The following PCDHB5 variants were observed in gnomAD, a reference collection of about 807,000 sequenced individuals.
The protein encoded by PCDHB5 is protocadherin beta 5, also known as protocadherin beta-5.
For missense variants in PCDHB5, 1,125 were observed against 1,029.4 expected, an observed-to-expected ratio of 1.09 and a Z score of -1.27; for synonymous variants, 569 against 462.2, an observed-to-expected ratio of 1.23 and a Z score of -2.96.
At position 141,137,680 on chromosome 5, in the gene PCDHB5, A is replaced by G; in HGVS notation, c.2246A>G (p.His749Arg). Reference protein sequence around the residue: ...SGTGTLSQSYHYEVCLTGDSG... With the variant: ...SGTGTLSQSYRYEVCLTGDSG... ...ACCGGGACCCTATCCCAGAGCTACC[A>G]CTACGAGGTGTGTTTGACCGGAGAC... Residue 749 changes from histidine to arginine, a missense_variant, in exon 1 of 1, where the codon CAC becomes CGC. His to Arg is a conservative substitution (Grantham distance 29). Coordinates refer to ENST00000231134, the MANE Select transcript of PCDHB5 (RefSeq NM_015669.5). 1 of 1,614,146 alleles carries G rather than the reference A, an allele frequency of 6.2e-7. No homozygotes were observed. The highest frequency in any genetic ancestry group is 8.5e-7 in the Non-Finnish European group (1 of 1,180,030).
In PCDHB5 at chr5:141,135,617, T is replaced by C. The variant is rs1259975333; in HGVS notation, c.183T>C (p.Thr61=). 1.2e-6 allele frequency: 2 copies of C among 1,614,054 alleles called. No individual in the cohort carries two copies. Among genetic ancestry groups the C allele is most frequent in the African/African-American group, 1.3e-5 (1 of 74,992 alleles). Residue 61 remains threonine, a synonymous_variant, in exon 1 of 1, where the codon ACT becomes ACC. Transcript: ENST00000231134. ...DLGLGVGELA[T]RGARMHYKGN... is the part of the protein sequence containing the mutation. ...GTCTTGGGGTGGGGGAACTGGCCACTCGGGGCGCGCGAATGCATTACAAAG... is the reference window on the plus strand; with the variant it reads ...GTCTTGGGGTGGGGGAACTGGCCACCCGGGGCGCGCGAATGCATTACAAAG...
At position 141,135,760 on chromosome 5, in the gene PCDHB5, T is replaced by C; in HGVS notation, c.326T>C (p.Leu109Ser). 6.2e-7 allele frequency: 1 copy of C among 1,614,092 alleles called. No homozygotes were observed. Among genetic ancestry groups the C allele is most frequent in the Non-Finnish European group, 8.5e-7 (1 of 1,179,966 alleles). The change falls in exon 1 of 1, where the codon TTA becomes TCA. Residue 109 changes from leucine to serine, a missense_variant. By Grantham distance (145) the Leu-to-Ser change is moderately radical (BLOSUM62 -2). Coordinates refer to ENST00000231134, the MANE Select transcript of PCDHB5 (RefSeq NM_015669.5). ...TEPCILHFQLLLENPVQFFQT... is the reference protein window; with the variant it reads ...TEPCILHFQLSLENPVQFFQT... ...CCCTGTATATTGCATTTCCAGCTCT[T>C]ACTAGAAAATCCAGTGCAGTTTTTT... is the stretch of plus-strand genomic sequence containing the variant.
In PCDHB5 at chr5:141,138,574, C is replaced by A. The variant is rs1752647018; in HGVS notation, c.*752C>A. 6.6e-6 allele frequency: 1 copy of A among 152,140 alleles called. No individual in the cohort carries two copies. Among genetic ancestry groups the A allele is most frequent in the Non-Finnish European group, 1.5e-5 (1 of 68,018 alleles). 9.4% of individuals were successfully genotyped at this position (152,140 alleles called of 1,614,324 possible). The stretch of plus-strand genomic sequence containing the variant: ...CCAATACCATAGTTTAATTTTGCCT[C>A]TTCTGAATTTATATAAATGGAGTAA... On this transcript the variant is annotated 3_prime_UTR_variant, in exon 1 of 1. Coordinates refer to ENST00000231134, the MANE Select transcript of PCDHB5 (RefSeq NM_015669.5).
In PCDHB5 at chr5:141,137,829, C is replaced by T. The variant is rs371853380; in HGVS notation, c.*7C>T. ...TAGCTTTGGATTAAATTAGAGATCT[C>T]GTGATGACGCGTTGTTTTCTGCCAT... On this transcript the variant is annotated 3_prime_UTR_variant, in exon 1 of 1. Coordinates refer to ENST00000231134, the MANE Select transcript of PCDHB5 (RefSeq NM_015669.5). 21 of 1,563,438 alleles carry T rather than the reference C, an allele frequency of 1.3e-5. No individual in the cohort carries two copies. Among genetic ancestry groups the T allele is most frequent in the Non-Finnish European group, 1.8e-5 (21 of 1,154,152 alleles).
Position 141,135,594 on chromosome 5 carries a change from C to T in PCDHB5, c.160C>T (p.Leu54Phe), listed in dbSNP as rs781867543. ...GGCCAACCTGGCAAAAGACCTGGGTCTTGGGGTGGGGGAACTGGCCACTCG... is the reference window on the plus strand; with the variant it reads ...GGCCAACCTGGCAAAAGACCTGGGTTTTGGGGTGGGGGAACTGGCCACTCG... ...SVANLAKDLG[L>F]GVGELATRGA... Residue 54 changes from leucine (L) to phenylalanine (F), a missense_variant, in exon 1 of 1, where the codon CTT becomes TTT. Coordinates refer to ENST00000231134, the MANE Select transcript of PCDHB5 (RefSeq NM_015669.5). 82 of 1,613,970 alleles carry T rather than the reference C, an allele frequency of 5.1e-5. 1 individual carries two copies. Among genetic ancestry groups the T allele is most frequent in the Non-Finnish European group, 5.9e-5 (70 of 1,180,036 alleles).
Position 141,136,985 on chromosome 5 carries a change from G to C in PCDHB5, c.1551G>C (p.Ser517=), listed in dbSNP as rs1450169772. 18 of 1,612,382 alleles carry C rather than the reference G, an allele frequency of 1.1e-5. No individual in the cohort carries two copies. The highest frequency in any genetic ancestry group is 1.4e-5 in the Non-Finnish European group (17 of 1,179,912). ...ACGGCCACCTGTTTGCCCTCAGGTC[G>C]CTGGACTACGAGGCCCTGCAGGCGT... is the stretch of plus-strand genomic sequence containing the variant. ...ADNGHLFALR[S]LDYEALQAFE... The change falls in exon 1 of 1, where the codon TCG becomes TCC. Residue 517 remains serine (S), a synonymous_variant. Coordinates refer to ENST00000231134, the MANE Select transcript of PCDHB5 (RefSeq NM_015669.5).
chr5:141,137,698 C>T lies in PCDHB5; in HGVS notation c.2264C>T (p.Thr755Ile). ...AGCTACCACTACGAGGTGTGTTTGA[C>T]CGGAGACTCAGGGGCCGGCGAGTTC... is the stretch of plus-strand genomic sequence containing the variant. ...SQSYHYEVCL[T>I]GDSGAGEFKF... The change falls in exon 1 of 1, where the codon ACC (threonine) becomes ATC (isoleucine). Residue 755 changes from threonine (T) to isoleucine (I), a missense_variant. Transcript: ENST00000231134. The T allele has an allele frequency of 1.2e-6, 2 of 1,614,254 alleles. No individual in the cohort carries two copies. The highest frequency in any genetic ancestry group is 2.2e-5 in the South Asian group (2 of 91,076).
rs1242592617 is a variant in PCDHB5, at chr5:141,137,801, G to A, written c.2367G>A (p.Arg789=). The A allele has an allele frequency of 6.2e-7, 1 of 1,606,906 alleles. No individual in the cohort carries two copies. The highest frequency in any genetic ancestry group is 8.5e-7 in the Non-Finnish European group (1 of 1,176,462). The change falls in exon 1 of 1, where the codon CGG becomes CGA. Residue 789 remains arginine, a synonymous_variant. Transcript: ENST00000231134. ...GEEIGKTAAF[R]NSFGLN ...AAATAGGGAAAACTGCTGCCTTCCGGAATAGCTTTGGATTAAATTAGAGAT... is the reference window on the plus strand; with the variant it reads ...AAATAGGGAAAACTGCTGCCTTCCGAAATAGCTTTGGATTAAATTAGAGAT...
chr5:141,135,603 G>T lies in PCDHB5; in HGVS notation c.169G>T (p.Gly57Trp). ...NLAKDLGLGVGELATRGARMH... is the reference protein window; with the variant it reads ...NLAKDLGLGVWELATRGARMH... Reference sequence around the variant, plus strand: ...GGCAAAAGACCTGGGTCTTGGGGTGGGGGAACTGGCCACTCGGGGCGCGCG... The same window carrying T: ...GGCAAAAGACCTGGGTCTTGGGGTGTGGGAACTGGCCACTCGGGGCGCGCG... The change falls in exon 1 of 1, where the codon GGG (glycine) becomes TGG (tryptophan). Residue 57 changes from glycine (G) to tryptophan (W), a missense_variant. Transcript: ENST00000231134. 1 of 1,614,130 alleles carries T rather than the reference G, an allele frequency of 6.2e-7. No homozygotes were observed. Among genetic ancestry groups the T allele is most frequent in the Non-Finnish European group, 8.5e-7 (1 of 1,180,042 alleles).
rs782603340 is a variant in PCDHB5, at chr5:141,137,816, A to T, written c.2382A>T (p.Leu794Phe). The T allele has an allele frequency of 1.9e-6, 3 of 1,587,618 alleles. No homozygotes were observed. The highest frequency in any genetic ancestry group is 2.6e-6 in the Non-Finnish European group (3 of 1,166,362). Residue 794 changes from leucine (L) to phenylalanine (F), a missense_variant, in exon 1 of 1, where the codon TTA becomes TTT. By Grantham distance (22) the Leu-to-Phe change is conservative. Coordinates refer to ENST00000231134, the MANE Select transcript of PCDHB5 (RefSeq NM_015669.5). ...CTGCCTTCCGGAATAGCTTTGGATT[A>T]AATTAGAGATCTCGTGATGACGCGT... ...KTAAFRNSFG[L>F]N
chr5:141,136,465 C>A lies in PCDHB5; in HGVS notation c.1031C>A (p.Pro344His). 3.1e-6 allele frequency: 5 copies of A among 1,614,190 alleles called. No individual in the cohort carries two copies. Among genetic ancestry groups the A allele is most frequent in the Non-Finnish European group, 4.2e-6 (5 of 1,180,034 alleles). ...IEVVDVNDNA[P>H]ELTMSTLSSP... ...GTGGTGGATGTGAATGACAACGCCC[C>A]TGAACTCACCATGTCTACGCTCTCC... Residue 344 changes from proline (P) to histidine (H), a missense_variant, in exon 1 of 1, where the codon CCT (proline) becomes CAT (histidine). Transcript: ENST00000231134.
Position 141,136,183 on chromosome 5 carries a change from A to G in PCDHB5, c.749A>G (p.Gln250Arg), listed in dbSNP as rs370395121. Residue 250 changes from glutamine (Q) to arginine (R), a missense_variant, in exon 1 of 1, where the codon CAG becomes CGG. Transcript: ENST00000231134. ...TTTTTACAATCATTCTATGAGGTAC[A>G]GGTGCCCGAGAACAGCCCCCTTAAC... ...PEFLQSFYEV[Q>R]VPENSPLNSL... 1.7e-4 allele frequency: 272 copies of G among 1,613,990 alleles called. No homozygotes were observed. The highest frequency in any genetic ancestry group is 2.1e-4 in the Non-Finnish European group (252 of 1,180,016).
rs1554275737 is a variant in PCDHB5, at chr5:141,135,741, A to G, written c.307A>G (p.Ile103Val). The change falls in exon 1 of 1, where the codon ATA becomes GTA. Residue 103 changes from isoleucine (I) to valine (V), a missense_variant. By Grantham distance (29) the Ile-to-Val change is conservative. Transcript: ENST00000231134. Reference sequence around the variant, plus strand: ...GATGTGCGGGGCGACAGAACCCTGTATATTGCATTTCCAGCTCTTACTAGA... The same window carrying G: ...GATGTGCGGGGCGACAGAACCCTGTGTATTGCATTTCCAGCTCTTACTAGA... ...EVMCGATEPC[I>V]LHFQLLLENP... 1.9e-6 allele frequency: 3 copies of G among 1,614,142 alleles called. No homozygotes were observed. Among genetic ancestry groups the G allele is most frequent in the Admixed American group, 1.7e-5 (1 of 60,026 alleles).
chr5:141,135,842 G>A lies in PCDHB5; in HGVS notation c.408G>A (p.Lys136=), dbSNP rs1563870837. Residue 136 remains lysine (K), a synonymous_variant, in exon 1 of 1, where the codon AAG becomes AAA. Transcript: ENST00000231134. ...INDHAPEFPE[K]EMLLKIPEST... The stretch of plus-strand genomic sequence containing the variant: ...ACCATGCCCCAGAGTTCCCAGAGAA[G>A]GAAATGCTCCTAAAAATCCCAGAGA... 1.3e-5 allele frequency: 21 copies of A among 1,614,100 alleles called. No homozygotes were observed. The highest frequency in any genetic ancestry group is 1.8e-5 in the Non-Finnish European group (21 of 1,179,986).
chr5:141,136,421 A>T lies in PCDHB5; in HGVS notation c.987A>T (p.Lys329Asn). 1 of 1,614,106 alleles carries T rather than the reference A, an allele frequency of 6.2e-7. No individual in the cohort carries two copies. The highest frequency in any genetic ancestry group is 2.2e-5 in the East Asian group (1 of 44,870). ...CAGATGGTGGGGGCCTTTCAGGAAA[A>T]TGCACTGTGGCTATAGAAGTGGTGG... ...VATDGGGLSG[K>N]CTVAIEVVDV... The change falls in exon 1 of 1, where the codon AAA (lysine) becomes AAT (asparagine). Residue 329 changes from lysine to asparagine, a missense_variant. Physicochemically the swap from Lys to Asn is moderately conservative, Grantham distance 94. Coordinates refer to ENST00000231134, the MANE Select transcript of PCDHB5 (RefSeq NM_015669.5).
Position 141,137,409 on chromosome 5 carries a change from G to C in PCDHB5, c.1975G>C (p.Val659Leu). The C allele has an allele frequency of 6.2e-7, 1 of 1,610,826 alleles. No homozygotes were observed. Among genetic ancestry groups the C allele is most frequent in the Non-Finnish European group, 8.5e-7 (1 of 1,179,420 alleles). ...PPRSATATLHVLLVDGFSQPY... is the reference protein window; with the variant it reads ...PPRSATATLHLLLVDGFSQPY... ...GCGCTCGGCCACCGCCACGCTGCAC[G>C]TGCTCCTGGTGGACGGCTTCTCCCA... The change falls in exon 1 of 1, where the codon GTG becomes CTG. Residue 659 changes from valine (V) to leucine (L), a missense_variant. Coordinates refer to ENST00000231134, the MANE Select transcript of PCDHB5 (RefSeq NM_015669.5).
rs1471660681 is a variant in PCDHB5 at position 141,136,031 on chromosome 5, G to A, written c.597G>A (p.Ala199=). The change falls in exon 1 of 1, where the codon GCG becomes GCA. Residue 199 remains alanine (A), a synonymous_variant. Transcript: ENST00000231134. ...ACCCAGAGCTGGTGCTGGACAAAGCGCTGGACCGGGAGGAGCGGCCTGAGC... is the reference window on the plus strand; with the variant it reads ...ACCCAGAGCTGGTGCTGGACAAAGCACTGGACCGGGAGGAGCGGCCTGAGC... ...RKYPELVLDK[A]LDREERPELS... 3 of 1,614,042 alleles carry A rather than the reference G, an allele frequency of 1.9e-6. No individual in the cohort carries two copies. The highest frequency in any genetic ancestry group is 2.5e-6 in the Non-Finnish European group (3 of 1,179,992).
In PCDHB5 at chr5:141,137,299, A is replaced by G; in HGVS notation, c.1865A>G (p.Glu622Gly). Residue 622 changes from glutamate (E) to glycine (G), a missense_variant, in exon 1 of 1, where the codon GAG (glutamate) becomes GGG (glycine). Coordinates refer to ENST00000231134, the MANE Select transcript of PCDHB5 (RefSeq NM_015669.5). The part of the protein sequence containing the change: ...GLFSMWAHNG[E>G]VRTARLLSER... ...TTCAGCATGTGGGCGCACAATGGCG[A>G]GGTGCGCACCGCCAGGCTGCTGAGC... 8 of 1,610,360 alleles carry G rather than the reference A, an allele frequency of 5.0e-6. No individual in the cohort carries two copies. Among genetic ancestry groups the G allele is most frequent in the Non-Finnish European group, 6.8e-6 (8 of 1,179,620 alleles).
chr5:141,136,099 G>T lies in PCDHB5; in HGVS notation c.665G>T (p.Arg222Met). The T allele has an allele frequency of 6.2e-7, 1 of 1,614,176 alleles. No individual in the cohort carries two copies. Among genetic ancestry groups the T allele is most frequent in the Non-Finnish European group, 8.5e-7 (1 of 1,179,990 alleles). ...GCACTGGACGGTGGGGCTCCGCCCA[G>T]GTCCGGGACCACCACAATTCGCATT... ...LTALDGGAPP[R>M]SGTTTIRIVV... Residue 222 changes from arginine to methionine, a missense_variant, in exon 1 of 1, where the codon AGG becomes ATG. Transcript: ENST00000231134.
Sources: gnomAD v4.1 joint callset for allele counts on GRCh38, gnomAD v4.1.1 for gene constraint, MANE v1.5 for transcripts, NCBI Gene and HGNC (gene_info 2026-07-23, HGNC 2026-07-21) for gene names.